ZNF827: variants seen among roughly 807,000 people sequenced by gnomAD.
ZNF827 encodes the protein zinc finger protein 827.
A neutral mutation model predicts 102.4 loss-of-function variants in ZNF827; 13 were observed. The ratio of observed to expected loss-of-function variants is 0.13; its 90% confidence interval spans 0.08 to 0.20. The LOEUF (loss-of-function observed/expected upper bound fraction) is 0.20. Ranked by LOEUF, ZNF827 falls within the 10% of genes least tolerant of loss-of-function variation. ZNF827 has a pLI of 1.00. For missense variants in ZNF827, 1,103 were observed against 1,344.4 expected (o/e 0.82, Z 2.81); for synonymous variants, 523 against 536.2 (o/e 0.98, Z 0.34).
At chr4:145,782,130 C>T (rs1393096462) in intron 8 of ZNF827, among the ~76,000 whole-genome samples, 4 of 152,214 alleles carry the variant, frequency 2.6e-5, no homozygotes, top group East Asian at 1.9e-4. Flanking sequence ...CTCCAAGCCT[C>T]GTCTAGGAAT....
intron 1 of ZNF827, among the ~76,000 whole-genome samples, chr4:145,935,051 G>T (rs1301412397): frequency 1.3e-5 from 2 of 152,044 alleles, no homozygotes; most frequent in Admixed American, 6.5e-5. Flanking sequence ...ATTCCTTCAA[G>T]ATCTCCCTTC....
chr4:145,906,122 C>A (rs1161036388), intron 1 of ZNF827, among the ~76,000 whole-genome samples: 1 of 152,180 alleles, frequency 6.6e-6, no homozygotes, highest in Non-Finnish European at 1.5e-5. Context: ...GACACACGAC[C>A]ACGTAGAGCT....
chr4:145,902,819 G>A lies in ZNF827; in HGVS notation c.440C>T (p.Pro147Leu). The change falls in exon 2 of 15, where the codon CCC becomes CTC. Residue 147 changes from proline (P) to leucine (L), a missense_variant. Physicochemically the swap from Pro to Leu is moderately conservative, Grantham distance 98. Around this residue, in one of 5 missense-constraint regions of ZNF827, gnomAD observed 441 missense variants for 458.6 expected, o/e 0.96. Transcript: ENST00000508784. This position sits in a 1 kb window ranked among gnomAD's most constrained non-coding sequence, Gnocchi z 4.3. ...AATANGRVES[P>L]VNVGSNLSFS... ...GGAGAGGTTCGAGCCAACGTTTACG[G>A]GGGACTCCACTCTGCCATTAGCCGT... is the stretch of plus-strand genomic sequence containing the variant. The A allele has an allele frequency of 6.2e-7, 1 of 1,614,154 alleles. No individual in the cohort carries two copies. Among genetic ancestry groups the A allele is most frequent in the Non-Finnish European group, 8.5e-7 (1 of 1,180,032 alleles).
intron 7 of ZNF827, among the ~76,000 whole-genome samples, chr4:145,829,705 T>C (rs1241787019): frequency 6.6e-6 from 1 of 152,224 alleles, no homozygotes; most frequent in Non-Finnish European, 1.5e-5. Flanking sequence ...CTCTAACCAC[T>C]ACCTGCTCCC....
chr4:145,795,804 G>T (rs1485740107), intron 8 of ZNF827, among the ~76,000 whole-genome samples: 5 of 152,220 alleles, frequency 3.3e-5, no homozygotes, highest in African/African-American at 1.2e-4. Flanking sequence ...GAAAATCTTT[G>T]CTGTATCTGC....
chr4:145,836,587 T>A (rs1453158447), intron 7 of ZNF827, among the ~76,000 whole-genome samples: 3 of 151,778 alleles, frequency 2.0e-5, no homozygotes, highest in Admixed American at 1.3e-4. Context: ...TGTTCCTGGC[T>A]CGGACTTCAA....
At chr4:145,936,201 G>A (rs559993220) in intron 1 of ZNF827, among the ~76,000 whole-genome samples, 1 of 149,480 alleles carries the variant, frequency 6.7e-6, no homozygotes, top group African/African-American at 2.5e-5. Flanking sequence ...ACAAGAGCCC[G>A]GCAGCGGGGC....
At chr4:145,820,520 A>G (rs1379838188) in intron 8 of ZNF827, among the ~76,000 whole-genome samples, 2 of 152,214 alleles carry the variant, frequency 1.3e-5, no homozygotes, top group Non-Finnish European at 2.9e-5. Context: ...TCATTTGTAC[A>G]CTAACAACAA....
At position 145,903,084 on chromosome 4, in the gene ZNF827, G is replaced by C. The variant is rs771868329; in HGVS notation, c.175C>G (p.Arg59Gly). The change falls in exon 2 of 15, where the codon CGG becomes GGG. Residue 59 changes from arginine (R) to glycine (G), a missense_variant. By Grantham distance (125) the Arg-to-Gly change is moderately radical (BLOSUM62 -2). Around this residue, in one of 5 missense-constraint regions of ZNF827, gnomAD observed 441 missense variants for 458.6 expected, o/e 0.96. Transcript: ENST00000508784. ...QENYKLSLED[R>G]IQEQSTSPDT... ...GGGGACGTGGACTGCTCCTGGATCC[G>C]GTCCTCCAGAGACAACTTATAGTTC... The C allele has an allele frequency of 6.2e-7, 1 of 1,614,150 alleles. No individual in the cohort carries two copies. Among genetic ancestry groups the C allele is most frequent in the African/African-American group, 1.3e-5 (1 of 75,028 alleles).
chr4:145,780,775 GT>G, intron 8 of ZNF827, among the ~76,000 whole-genome samples: 1 of 152,204 alleles, frequency 6.6e-6, no homozygotes, highest in East Asian at 1.9e-4. Context: ...GACACACTAA[GT>G]TAATATCTTG....
chr4:145,906,855 C>A (rs1168579775), intron 1 of ZNF827, among the ~76,000 whole-genome samples: 1 of 152,232 alleles, frequency 6.6e-6, no homozygotes, highest in Non-Finnish European at 1.5e-5. Flanking sequence ...CTGAGATACA[C>A]ACACCTCTGG....
chr4:145,934,328 G>A (rs1254419943), intron 1 of ZNF827, among the ~76,000 whole-genome samples: 3 of 152,048 alleles, frequency 2.0e-5, no homozygotes, highest in Non-Finnish European at 2.9e-5. Context: ...TATGTATAAG[G>A]CCCATATAAC....
At chr4:145,813,506 C>T (rs1439370914) in intron 8 of ZNF827, among the ~76,000 whole-genome samples, 2 of 144,542 alleles carry the variant, frequency 1.4e-5, no homozygotes, top group South Asian at 2.5e-4. Flanking sequence ...ACTAGGGGTC[C>T]GGGAATGTAT....
At chr4:145,817,754 A>T (rs547608792) in intron 8 of ZNF827, among the ~76,000 whole-genome samples, 1 of 152,330 alleles carries the variant, frequency 6.6e-6, no homozygotes, top group African/African-American at 2.4e-5. Context: ...AGACCTTCTC[A>T]TCTCTTTCTA....
chr4:145,845,244 G>T (rs114308483), intron 7 of ZNF827, among the ~76,000 whole-genome samples: 263 of 152,262 alleles, frequency 1.7e-3, no homozygotes, highest in African/African-American at 5.9e-3. Flanking sequence ...CAACGTTTCA[G>T]GTTTGGGTGG....
At chr4:145,769,879 TA>T (rs1035037118) in intron 11 of ZNF827, among the ~76,000 whole-genome samples, 15 of 152,038 alleles carry the variant, frequency 9.9e-5, no homozygotes, top group African/African-American at 3.4e-4. Flanking sequence ...ATTGAAACCA[TA>T]AAAAAAATTA....
intron 1 of ZNF827, among the ~76,000 whole-genome samples, chr4:145,923,450 TAAA>T (rs70956881): frequency 1.5e-5 from 2 of 130,774 alleles, no homozygotes; most frequent in African/African-American, 6.1e-5. Flanking sequence ...ATTACAAATG[TAAA>T]AAAAAAAAAA....
chr4:145,877,068 T>G (rs1749208170), intron 4 of ZNF827, among the ~76,000 whole-genome samples: 1 of 152,204 alleles, frequency 6.6e-6, no homozygotes, highest in Non-Finnish European at 1.5e-5. Flanking sequence ...TTGCTTGGCT[T>G]TTTAAATATG....
chr4:145,835,450 C>A (rs1744719560), intron 7 of ZNF827, among the ~76,000 whole-genome samples: 1 of 150,990 alleles, frequency 6.6e-6, no homozygotes, highest in African/African-American at 2.5e-5. Flanking sequence ...CCAACTTAGA[C>A]AACACTCTTT....
Sources: allele counts gnomAD v4.1 joint callset (sites outside exome capture counted in the v4.1 genomes callset), GRCh38; gene constraint gnomAD v4.1.1; regional missense constraint gnomAD v4.1.1; non-coding constraint Gnocchi (gnomAD v3.1); transcripts MANE v1.5; gene names NCBI Gene and HGNC (gene_info 2026-07-23, HGNC 2026-07-21).